Variants in LYST observed in about 807,000 individuals in gnomAD.
The protein encoded by LYST is lysosomal-trafficking regulator.
In LYST, 192 loss-of-function variants were observed where a neutral mutation model predicts 413.6. The ratio of observed to expected loss-of-function variants is 0.46; its 90% CI spans 0.41 to 0.52. The LOEUF is 0.52. Among genes scored for constraint, LYST ranks in the 20% least tolerant of loss-of-function variants. The pLI is 0.00. For missense variants in LYST, 3,815 were observed against 4,499.9 expected, an observed-to-expected ratio of 0.85 and a Z score of 4.35; for synonymous variants, 1,525 against 1,567.3, an observed-to-expected ratio of 0.97 and a Z score of 0.64.
At chr1:235,677,043 C>T (rs116104377) in intron 50 of LYST, 48 bp downstream of exon 50, 38 of 1,380,604 alleles carry the variant, frequency 2.8e-5, no homozygotes, top group Non-Finnish European at 3.9e-5. Context: ...GCCGAATGCG[C>T]TGTTAGAGCA....
At chr1:235,834,738 A>G (rs1676376677) in intron 1 of LYST, among the ~76,000 whole-genome samples, 2 of 152,060 alleles carry the variant, frequency 1.3e-5, no homozygotes, top group Admixed American at 1.3e-4. Flanking sequence ...GCAGCTCCAC[A>G]CAGCAGGGCA....
intron 3 of LYST, chr1:235,828,034 T>G (rs950512200): frequency 3.1e-5 from 14 of 453,204 alleles, no homozygotes; most frequent in Non-Finnish European, 3.8e-5. Context: ...TCAACATCAT[T>G]AGTTGTTAGA....
intron 50 of LYST, 44 bp downstream of exon 50, chr1:235,677,047 T>TA: frequency 7.0e-7 from 1 of 1,431,418 alleles, no homozygotes; most frequent in Non-Finnish European, 9.9e-7. Context: ...AATGCGCTGT[T>TA]AGAGCACCAG....
intron 50 of LYST, among the ~76,000 whole-genome samples, chr1:235,666,607 T>TACACACACACACACACACACACAC (rs10635511): frequency 7.1e-6 from 1 of 141,352 alleles, no homozygotes; most frequent in Non-Finnish European, 1.5e-5. Flanking sequence ...CACACACACA[T>TACACACACACACACACACACACAC]ACACACACAC....
At chr1:235,696,039 A>G (rs1398844192) in intron 46 of LYST, among the ~76,000 whole-genome samples, 1 of 152,222 alleles carries the variant, frequency 6.6e-6, no homozygotes, top group African/African-American at 2.4e-5. Context: ...GTAACATACT[A>G]GTAAGAATGA....
At chr1:235,695,376 T>C (rs542463282) in intron 46 of LYST, among the ~76,000 whole-genome samples, 2 of 152,312 alleles carry the variant, frequency 1.3e-5, no homozygotes, top group Admixed American at 1.3e-4. Context: ...GTGGAGGCCA[T>C]GGAGGAAACT....
At chr1:235,828,289 G>A (rs528976699) in intron 3 of LYST, 31 of 287,744 alleles carry the variant, frequency 1.1e-4, no homozygotes, top group African/African-American at 5.9e-4. Flanking sequence ...ATAGGGGAAC[G>A]ATAGCTAAAG....
chr1:235,758,590 G>A (rs1396136786), intron 23 of LYST, among the ~76,000 whole-genome samples: 3 of 152,130 alleles, frequency 2.0e-5, no homozygotes. Flanking sequence ...CTCAGGACAG[G>A]CCCAGTCTAG....
chr1:235,857,959 A>G (rs929625244), intron 1 of LYST, among the ~76,000 whole-genome samples: 2 of 152,128 alleles, frequency 1.3e-5, no homozygotes, highest in African/African-American at 2.4e-5. Flanking sequence ...AGATTACATT[A>G]TAGCTATATT....
intron 48 of LYST, among the ~76,000 whole-genome samples, chr1:235,680,891 G>A (rs578180909): frequency 3.3e-5 from 5 of 152,152 alleles, no homozygotes; most frequent in Non-Finnish European, 7.4e-5. Context: ...GAGCCACCGC[G>A]CCTGGCCTAC....
In LYST at chr1:235,702,838, T is replaced by C. The variant is rs370862028; in HGVS notation, c.10283A>G (p.Asn3428Ser). The change falls in exon 45 of 53, where the codon AAT becomes AGT. Residue 3428 changes from asparagine (N) to serine (S), a missense_variant. By Grantham distance (46) the Asn-to-Ser change is conservative (BLOSUM62 1). This residue lies in a region of LYST where 866 missense variants were observed against 1,156.0 expected (regional missense o/e 0.75). Transcript: ENST00000389793. ...AHVSRPGAKLNIEGELPAAVG... is the reference protein window; with the variant it reads ...AHVSRPGAKLSIEGELPAAVG... ...AGCAGCTGGAAGCTCTCCTTCAATA[T>C]TGAGCTTGGCTCCAGGTCTGCTCAC... is the stretch of plus-strand genomic sequence containing the variant. 7.4e-6 allele frequency: 12 copies of C among 1,614,104 alleles called. No individual in the cohort carries two copies. In the African/African-American group the frequency reaches 1.1e-4, roughly 14 times the overall value.
At chr1:235,788,665 A>G in intron 13 of LYST, 36 bp downstream of exon 13, 1 of 1,597,044 alleles carries the variant, frequency 6.3e-7, no homozygotes, top group Non-Finnish European at 8.6e-7. Context: ...ATTTAAATAC[A>G]TTATCTATTC....
upstream of LYST, among the ~76,000 whole-genome samples, chr1:235,871,110 G>A (rs545928234): frequency 2.0e-4 from 30 of 152,322 alleles, no homozygotes; most frequent in South Asian, 4.6e-3. Context: ...ACAATTGTGC[G>A]TCTTGGTAGC....
intron 11 of LYST, among the ~76,000 whole-genome samples, chr1:235,792,665 ATTT>A (rs57005666): frequency 1.6e-5 from 2 of 124,718 alleles, no homozygotes; most frequent in African/African-American, 3.0e-5. Context: ...TCATGTTTAG[ATTT>A]TTTTTTTTTT....
At chr1:235,771,320 T>C (rs28709526) in intron 19 of LYST, among the ~76,000 whole-genome samples, 6,092 of 152,128 alleles carry the variant, frequency 0.04, 419 homozygotes, top group African/African-American at 0.14. Context: ...CGTAAGAAAA[T>C]CTTATTTCAA....
chr1:235,762,640 T>TA, intron 22 of LYST, 80 bp downstream of exon 22: 1 of 1,430,024 alleles, frequency 7.0e-7, no homozygotes, highest in Non-Finnish European at 9.8e-7. Context: ...CATATACTTC[T>TA]AAAATATGTA....
At chr1:235,788,423 G>A (rs566356116) in intron 13 of LYST, among the ~76,000 whole-genome samples, 1 of 151,928 alleles carries the variant, frequency 6.6e-6, no homozygotes, top group Non-Finnish European at 1.5e-5. Flanking sequence ...CCTGACCTCA[G>A]GTGATCTGCC....
chr1:235,760,644 T>C (rs566344833), intron 22 of LYST, among the ~76,000 whole-genome samples: 2 of 152,284 alleles, frequency 1.3e-5, no homozygotes, highest in African/African-American at 4.8e-5. Flanking sequence ...ATACAGAATG[T>C]ATGAGAGAGG....
At chr1:235,800,761 A>G in intron 9 of LYST, 110 bp downstream of exon 9, 2 of 758,554 alleles carry the variant, frequency 2.6e-6, no homozygotes, top group South Asian at 3.3e-5. Flanking sequence ...CAGAAAAGAT[A>G]AGTAATCATC....
Sources: gnomAD v4.1 joint callset for allele counts (sites outside exome capture counted in the v4.1 genomes callset) on GRCh38, gnomAD v4.1.1 for gene constraint, gnomAD v4.1.1 regional missense constraint, MANE v1.5 for transcripts, NCBI Gene and HGNC (gene_info 2026-07-23, HGNC 2026-07-21) for gene names.